CCDC85C: variants seen among roughly 807,000 people sequenced by gnomAD.
CCDC85C encodes the protein coiled-coil domain-containing protein 85C.
Under a neutral mutation model 38.3 loss-of-function variants are expected in CCDC85C, and 18 were observed. The observed-to-expected ratio is 0.47, with a 90% CI of 0.33 to 0.70. The LOEUF (loss-of-function observed/expected upper bound fraction) is 0.70, where lower values mean the gene tolerates loss of function less well. CCDC85C is among the 30% of genes least tolerant of loss of function. The pLI is 0.03. For missense variants in CCDC85C, 566 were observed against 621.2 expected (o/e 0.91, Z 0.94); for synonymous variants, 264 against 293.8 (o/e 0.90, Z 1.04).
At chr14:99,592,111 C>T (rs971441422) in intron 1 of CCDC85C, among the ~76,000 whole-genome samples, 2 of 152,208 alleles carry the variant, frequency 1.3e-5, no homozygotes, top group South Asian at 2.1e-4. Context: ...GGCTTCCCAG[C>T]GGAATTCCCT....
intron 1 of CCDC85C, among the ~76,000 whole-genome samples, chr14:99,589,244 G>A (rs140571627): frequency 2.0e-5 from 3 of 151,810 alleles, no homozygotes; most frequent in African/African-American, 4.8e-5. Context: ...CAGCAGGCAG[G>A]GGGGAGCACA....
intron 1 of CCDC85C, among the ~76,000 whole-genome samples, chr14:99,554,947 C>T (rs1186142578): frequency 1.3e-5 from 2 of 152,240 alleles, no homozygotes; most frequent in Non-Finnish European, 2.9e-5. Flanking sequence ...CACAGATGGA[C>T]ATAGGCCCAT....
At position 99,508,234 on chromosome 14, in the gene CCDC85C, A is replaced by G. The variant is rs1251842271; in HGVS notation, c.*7012T>C. The G allele has an allele frequency of 6.6e-6, 1 of 152,228 alleles. No homozygotes were observed. Among genetic ancestry groups the G allele is most frequent in the East Asian group, 1.9e-4 (1 of 5,194 alleles). 9.4% of individuals were successfully genotyped at this position (152,228 alleles called of 1,614,324 possible). ...GCCAAATCCCAAAACCCCCAATTCA[A>G]TATGAACCTTACTTAAATGCCTGTG... On this transcript the variant is annotated 3_prime_UTR_variant, in exon 6 of 6. Transcript: ENST00000380243.
At chr14:99,551,181 A>C (rs1488011658) in intron 1 of CCDC85C, among the ~76,000 whole-genome samples, 2 of 152,202 alleles carry the variant, frequency 1.3e-5, no homozygotes, top group Non-Finnish European at 2.9e-5. Flanking sequence ...GCCCTAACGG[A>C]GTCCTGGGGT....
intron 1 of CCDC85C, among the ~76,000 whole-genome samples, chr14:99,543,683 A>G (rs1297547309): frequency 1.3e-5 from 2 of 152,158 alleles, no homozygotes; most frequent in African/African-American, 2.4e-5. Flanking sequence ...TAGAGCCACA[A>G]CAGGTCCAGG....
rs1214699682 is a variant in CCDC85C, at chr14:99,522,167, G to T, written c.941C>A (p.Ser314Tyr). The T allele has an allele frequency of 1.3e-6, 2 of 1,551,178 alleles. No homozygotes were observed. Among genetic ancestry groups the T allele is most frequent in the South Asian group, 1.2e-5 (1 of 84,060 alleles). ...GGAGTCCTGGTAGGAGGGCGGCAGG[G>T]ACGCAAGCTGGGACTCCGAGTGGTA... ...SPYHSESQLA[S>Y]LPPSYQDSLQ... is the part of the protein sequence containing the mutation. Residue 314 changes from serine to tyrosine, a missense_variant, in exon 3 of 6, where the codon TCC (serine) becomes TAC (tyrosine). Physicochemically the swap from Ser to Tyr is moderately radical, Grantham distance 144 (BLOSUM62 -2). Around this residue, in one of 3 missense-constraint regions of CCDC85C, gnomAD observed 286 missense variants for 276.4 expected, o/e 1.03. Coordinates refer to ENST00000380243, the MANE Select transcript of CCDC85C (RefSeq NM_001144995.2).
At chr14:99,559,912 C>G (rs1898084468) in intron 1 of CCDC85C, among the ~76,000 whole-genome samples, 1 of 152,066 alleles carries the variant, frequency 6.6e-6, no homozygotes, top group Non-Finnish European at 1.5e-5. Context: ...ATCTTCCCAG[C>G]AGAGGCCACG....
intron 3 of CCDC85C, among the ~76,000 whole-genome samples, chr14:99,518,987 C>T (rs572845109): frequency 6.6e-6 from 1 of 152,008 alleles, no homozygotes. Flanking sequence ...TCAGCCCCCT[C>T]GGGCCACACA....
Position 99,501,091 on chromosome 14 carries a change from C to A in CCDC85C, c.*14155G>T. On this transcript the variant is annotated 3_prime_UTR_variant, in exon 6 of 6. Transcript: ENST00000380243. ...TCCAGTTGCCAAGTGATGGGAGAGG[C>A]AGGAAAATGAGGCAGAATTTTTTAA... 1 of 599,206 alleles carries A rather than the reference C, an allele frequency of 1.7e-6. No individual in the cohort carries two copies. Among genetic ancestry groups the A allele is most frequent in the South Asian group, 2.1e-5 (1 of 47,874 alleles). The allele number at this position is 599,206 out of a possible 1,614,324, so 37.1% of individuals were successfully genotyped here.
At chr14:99,525,649 G>A (rs947284386) in intron 2 of CCDC85C, among the ~76,000 whole-genome samples, 1 of 152,176 alleles carries the variant, frequency 6.6e-6, no homozygotes, top group Non-Finnish European at 1.5e-5. Context: ...CAGGGAGGCT[G>A]CAACTAAAGG....
intron 1 of CCDC85C, among the ~76,000 whole-genome samples, chr14:99,561,124 G>C (rs375322572): frequency 6.6e-6 from 1 of 152,144 alleles, no homozygotes. Context: ...TACGTGCATG[G>C]GGGGGTGCCT....
intron 1 of CCDC85C, among the ~76,000 whole-genome samples, chr14:99,582,633 T>C (rs573282050): frequency 6.4e-4 from 97 of 152,208 alleles, no homozygotes; most frequent in African/African-American, 2.3e-3. Context: ...CTAGCCAACA[T>C]GGTGAAACCC....
chr14:99,557,840 A>C (rs139344279), intron 1 of CCDC85C, among the ~76,000 whole-genome samples: 1 of 152,306 alleles, frequency 6.6e-6, no homozygotes, highest in Admixed American at 6.5e-5. Flanking sequence ...GCTTGAACCC[A>C]GGAGGCAGAG....
Position 99,510,205 on chromosome 14 carries a change from G to A in CCDC85C, c.*5041C>T, listed in dbSNP as rs1238813636. Reference sequence around the variant, plus strand: ...GCCTTAGGTGAGGCTGAGCCGCCGGGCCCTGTGGATGCCACTGACCTCCCC... The same window carrying A: ...GCCTTAGGTGAGGCTGAGCCGCCGGACCCTGTGGATGCCACTGACCTCCCC... On this transcript the variant is annotated 3_prime_UTR_variant, in exon 6 of 6. Coordinates refer to ENST00000380243, the MANE Select transcript of CCDC85C (RefSeq NM_001144995.2). 2 of 1,597,522 alleles carry A rather than the reference G, an allele frequency of 1.3e-6. No homozygotes were observed. The highest frequency in any genetic ancestry group is 1.7e-6 in the Non-Finnish European group (2 of 1,175,280).
At chr14:99,556,899 A>T (rs1001874621) in intron 1 of CCDC85C, among the ~76,000 whole-genome samples, 2 of 123,924 alleles carry the variant, frequency 1.6e-5, no homozygotes. Context: ...TAACGTCTCT[A>T]AAATACTTCA....
At chr14:99,549,191 T>C (rs11160525) in intron 1 of CCDC85C, among the ~76,000 whole-genome samples, 20,455 of 152,244 alleles carry the variant, frequency 0.13, 1,709 homozygotes, top group Non-Finnish European at 0.18. Context: ...TCTCCAAGCT[T>C]ATTGCTTTTT....
Position 99,566,788 on chromosome 14 carries a change from G to A in CCDC85C, c.794-30700C>T, listed in dbSNP as rs141250022. 5.9e-5 allele frequency among the ~76,000 whole-genome samples: 9 copies of A among 152,300 alleles called. 1 individual carries two copies. In the East Asian group the frequency reaches 1.5e-3, roughly 26 times the overall value. On this transcript the variant is annotated intron_variant, in intron 1 of 5. Coordinates refer to ENST00000380243, the MANE Select transcript of CCDC85C (RefSeq NM_001144995.2). ...ACCCCATCACGTGGTCCCTCCCAAC[G>A]AGGGGGCCTGCAGGAGGCAGGCAGC...
chr14:99,541,503 T>A (rs1047893781), intron 1 of CCDC85C, among the ~76,000 whole-genome samples: 2 of 152,022 alleles, frequency 1.3e-5, no homozygotes, highest in African/African-American at 4.8e-5. Context: ...GTTATGTGGG[T>A]GGCAACCCCA....
At chr14:99,541,145 G>A (rs1897704588) in intron 1 of CCDC85C, among the ~76,000 whole-genome samples, 1 of 152,192 alleles carries the variant, frequency 6.6e-6, no homozygotes, top group South Asian at 2.1e-4. Flanking sequence ...CACACAGTCA[G>A]CCTCCAGAAA....
Sources: gnomAD v4.1 joint callset for allele counts (sites outside exome capture counted in the v4.1 genomes callset) on GRCh38, gnomAD v4.1.1 for gene constraint, gnomAD v4.1.1 regional missense constraint, MANE v1.5 for transcripts, NCBI Gene and HGNC (gene_info 2026-07-23, HGNC 2026-07-21) for gene names.